TEX14: variants seen among roughly 807,000 people sequenced by gnomAD.
TEX14 encodes testis expressed 14, intercellular bridge forming factor, also known as inactive serine/threonine-protein kinase TEX14.
Under a neutral mutation model 178.6 loss-of-function variants are expected in TEX14, and 168 were observed. That is an observed-to-expected ratio of 0.94 (90% CI 0.83 to 1.07). The LOEUF (loss-of-function observed/expected upper bound fraction) is 1.07, where lower values mean the gene tolerates loss of function less well. TEX14 is among the 50% of genes least tolerant of loss of function. TEX14 has a pLI of 0.00. For missense variants in TEX14, 1,730 were observed against 1,753.6 expected (o/e 0.99, Z 0.24); for synonymous variants, 626 against 634.1 (o/e 0.99, Z 0.19).
chr17:58,641,483 T>A (rs1245841235), intron 2 of TEX14, among the ~76,000 whole-genome samples: 2 of 116,174 alleles, frequency 1.7e-5, no homozygotes, highest in Non-Finnish European at 3.4e-5. Flanking sequence ...TTTCTTTCTC[T>A]TTTATTTATT....
rs773950548 is a variant in TEX14, at chr17:58,621,722, T to A, written c.482A>T (p.Asp161Val). 6.2e-7 allele frequency: 1 copy of A among 1,613,904 alleles called. No individual in the cohort carries two copies. Among genetic ancestry groups the A allele is most frequent in the Admixed American group, 1.7e-5 (1 of 59,984 alleles). Residue 161 changes from aspartate to valine, a missense_variant, in exon 5 of 32, where the codon GAC becomes GTC. Physicochemically the swap from Asp to Val is radical, Grantham distance 152. Around this residue, in one of 2 missense-constraint regions of TEX14, gnomAD observed 789 missense variants for 681.2 expected, o/e 1.16. Transcript: ENST00000349033. The part of the protein sequence containing the change: ...MQAIIQGFSY[D>V]LLKKIDSPQR... Reference sequence around the variant, plus strand: ...CGGGGAGTCTATCTTCTTCAGGAGGTCGTAAGAGAAGCCCTGGATGATGGC... The same window carrying A: ...CGGGGAGTCTATCTTCTTCAGGAGGACGTAAGAGAAGCCCTGGATGATGGC...
At chr17:58,630,161 AT>A (rs774003569) in intron 3 of TEX14, among the ~76,000 whole-genome samples, 4 of 150,020 alleles carry the variant, frequency 2.7e-5, no homozygotes, top group Non-Finnish European at 3.0e-5. Context: ...GGTTCAAATG[AT>A]TCTCCTGTCT....
At chr17:58,614,468 C>A (rs1180338726) in intron 8 of TEX14, among the ~76,000 whole-genome samples, 1 of 152,110 alleles carries the variant, frequency 6.6e-6, no homozygotes, top group East Asian at 1.9e-4. Context: ...CCAGCCTGGG[C>A]AACAGAGCGA....
intron 1 of TEX14, among the ~76,000 whole-genome samples, chr17:58,678,706 G>T (rs1302672635): frequency 6.6e-6 from 1 of 151,886 alleles, no homozygotes; most frequent in Non-Finnish European, 1.5e-5. Context: ...GATAGCATTA[G>T]GAGACATACC....
chr17:58,561,964 A>C (rs531804804), intron 28 of TEX14, among the ~76,000 whole-genome samples: 8 of 152,284 alleles, frequency 5.3e-5, no homozygotes, highest in Non-Finnish European at 1.2e-4. Context: ...GTGCGCCTGT[A>C]ATCCCAGCCA....
chr17:58,616,359 A>G (rs1407753340), intron 6 of TEX14, 54 bp from the exon 7 acceptor site: 1 of 1,591,172 alleles, frequency 6.3e-7, no homozygotes, highest in Admixed American at 1.8e-5. Context: ...AAAGCAGAAT[A>G]CATCCAGAAT....
intron 6 of TEX14, among the ~76,000 whole-genome samples, chr17:58,616,969 G>A (rs34878689): frequency 0.16 from 24,650 of 152,110 alleles, 2,430 homozygotes; most frequent in Non-Finnish European, 0.21. Flanking sequence ...CGGGGAGTAG[G>A]GCTGGGCGAG....
rs1477412311 is a variant in TEX14 at position 58,613,497 on chromosome 17, G to A, written c.929C>T (p.Ser310Phe). 1.9e-6 allele frequency: 3 copies of A among 1,614,146 alleles called. No homozygotes were observed. Among genetic ancestry groups the A allele is most frequent in the Non-Finnish European group, 2.5e-6 (3 of 1,180,014 alleles). Residue 310 changes from serine to phenylalanine, a missense_variant, in exon 9 of 32, where the codon TCC (serine) becomes TTC (phenylalanine). Transcript: ENST00000349033. ...YLLQLMAVCL[S>F]QDLEKTRLVY... Reference sequence around the variant, plus strand: ...AAGGCGGGTTTTCTCTAGGTCCTGGGAGAGACACACAGCCATCAACTGTAG... The same window carrying A: ...AAGGCGGGTTTTCTCTAGGTCCTGGAAGAGACACACAGCCATCAACTGTAG...
chr17:58,659,286 C>A, intron 1 of TEX14: 3 of 951,042 alleles, frequency 3.2e-6, no homozygotes, highest in Non-Finnish European at 3.8e-6. Flanking sequence ...AACAGCGTCT[C>A]TCCCCCGCCA....
intron 3 of TEX14, among the ~76,000 whole-genome samples, chr17:58,626,980 T>C (rs1328708473): frequency 3.3e-5 from 5 of 152,206 alleles, no homozygotes; most frequent in Non-Finnish European, 5.9e-5. Flanking sequence ...AATCATCAGA[T>C]ATTTTTTAAG....
intron 14 of TEX14, among the ~76,000 whole-genome samples, chr17:58,597,578 G>T (rs894896850): frequency 6.6e-6 from 1 of 151,938 alleles, no homozygotes; most frequent in Non-Finnish European, 1.5e-5. Context: ...CACCCCACCC[G>T]CATCTTGACA....
chr17:58,664,244 T>G (rs1428995119), intron 1 of TEX14, among the ~76,000 whole-genome samples: 1 of 152,220 alleles, frequency 6.6e-6, no homozygotes, highest in Non-Finnish European at 1.5e-5. Context: ...ATACTTTGGC[T>G]TTCAATGGTA....
intron 2 of TEX14, among the ~76,000 whole-genome samples, chr17:58,650,373 G>C (rs769540476): frequency 8.6e-5 from 13 of 151,908 alleles, no homozygotes; most frequent in Non-Finnish European, 1.6e-4. Context: ...GTTTTACAAC[G>C]TTTTATTTTA....
rs532284374 is a variant in TEX14 at position 58,608,505 on chromosome 17, C to T, written c.1184+2656G>A. On this transcript the variant is annotated intron_variant, in intron 10 of 31. Transcript: ENST00000349033. ...GCTGAGGTAGGAAGATCGCTTGACG[C>T]TGGGAGGTTGCAGTGAGCCGAGATC... Among the ~76,000 whole-genome samples, 9 of 149,702 alleles carry T rather than the reference C, an allele frequency of 6.0e-5. No individual in the cohort carries two copies. In the South Asian group the frequency reaches 1.9e-3, roughly 32 times the overall value.
intron 1 of TEX14, chr17:58,677,590 C>G (rs1467977602): frequency 1.3e-5 from 2 of 152,224 alleles, no homozygotes; most frequent in Admixed American, 1.3e-4. Flanking sequence ...AAAGTGTGAA[C>G]ACAGTCGCCC....
intron 2 of TEX14, among the ~76,000 whole-genome samples, chr17:58,647,175 C>T (rs1002191544): frequency 1.3e-5 from 2 of 151,440 alleles, no homozygotes; most frequent in Admixed American, 6.6e-5. Flanking sequence ...GCTGGGATTA[C>T]AGACTTGAGC....
chr17:58,637,073 G>A (rs898691216), intron 2 of TEX14, among the ~76,000 whole-genome samples: 1 of 151,346 alleles, frequency 6.6e-6, no homozygotes, highest in Non-Finnish European at 1.5e-5. Flanking sequence ...CTAAAAATAC[G>A]AAAATTAGTT....
At chr17:58,581,842 T>C (rs1252144672) in intron 19 of TEX14, 2 of 1,206,264 alleles carry the variant, frequency 1.7e-6, no homozygotes, top group Non-Finnish European at 2.3e-6. Context: ...CAGCAGTCAG[T>C]GTGACACTGA....
intron 2 of TEX14, among the ~76,000 whole-genome samples, chr17:58,645,451 C>T (rs1021292936): frequency 2.0e-5 from 3 of 152,112 alleles, no homozygotes; most frequent in Admixed American, 6.6e-5. Flanking sequence ...CTCCGCCTCC[C>T]GGGTTCACGC....
Sources: allele counts gnomAD v4.1 joint callset (sites outside exome capture counted in the v4.1 genomes callset), GRCh38; gene constraint gnomAD v4.1.1; regional missense constraint gnomAD v4.1.1; transcripts MANE v1.5; gene names NCBI Gene and HGNC (gene_info 2026-07-23, HGNC 2026-07-21).